KIAA0753: variants seen among roughly 807,000 people sequenced by gnomAD.
The protein encoded by KIAA0753 is KIAA0753, also known as protein moonraker.
KIAA0753 carries 114 observed loss-of-function variants against 116.9 expected under a neutral mutation model. The ratio of observed to expected loss-of-function variants is 0.98; its 90% CI spans 0.84 to 1.14. The LOEUF (loss-of-function observed/expected upper bound fraction) is 1.14, where lower values mean the gene tolerates loss of function less well. Among genes scored for constraint, KIAA0753 ranks in the 50% most tolerant of loss-of-function variants. KIAA0753 has a pLI of 0.00. For missense variants in KIAA0753, 1,156 were observed against 1,172.4 expected, an observed-to-expected ratio of 0.99 and a Z score of 0.20; for synonymous variants, 405 against 413.1, an observed-to-expected ratio of 0.98 and a Z score of 0.24.
chr17:6,596,351 ATGGGG>A lies in KIAA0753; in HGVS notation c.2173-13_2173-9del. On this transcript the variant is annotated splice_polypyrimidine_tract_variant and intron_variant, in intron 14 of 18. Transcript: ENST00000361413. ...AAAATCAACAGCTGCAACCTACAAG[ATGGGG>A]TGGGGTGGGGAGGAGAGGCATGGGG... The A allele has an allele frequency of 1.1e-5, 11 of 1,041,374 alleles. No individual in the cohort carries two copies. The highest frequency in any genetic ancestry group is 4.6e-5 in the East Asian group (1 of 21,658). 64.5% of individuals were successfully genotyped at this position (1,041,374 alleles called of 1,614,324 possible). A position where few individuals can be genotyped will look rare whatever the true frequency, so the allele number is the denominator to read the frequency against.
intron 2 of KIAA0753, among the ~76,000 whole-genome samples, chr17:6,631,181 A>G (rs1302311750): frequency 6.6e-6 from 1 of 152,222 alleles, no homozygotes; most frequent in Non-Finnish European, 1.5e-5. Context: ...ACCAACAGAA[A>G]CCAATGAACC....
At position 6,579,495 on chromosome 17, in the gene KIAA0753, T is replaced by C. The variant is rs1597440933; in HGVS notation, c.*252A>G. 3 of 400,234 alleles carry C rather than the reference T, an allele frequency of 7.5e-6. No individual in the cohort carries two copies. Among genetic ancestry groups the C allele is most frequent in the East Asian group, 7.9e-5 (2 of 25,280 alleles). 24.8% of individuals were successfully genotyped at this position (400,234 alleles called of 1,614,324 possible). A position where few individuals can be genotyped will look rare whatever the true frequency, so the allele number is the denominator to read the frequency against. On this transcript the variant is annotated 3_prime_UTR_variant, in exon 19 of 19. Transcript: ENST00000361413. ...AGGAAAAGTACACATTCTGAAAATA[T>C]TGCCATAATCAAGTTGTGTTGCCTG...
At chr17:6,590,930 A>AATTG (rs1968949445) in intron 16 of KIAA0753, among the ~76,000 whole-genome samples, 1 of 151,562 alleles carries the variant, frequency 6.6e-6, no homozygotes, top group African/African-American at 2.4e-5. Context: ...CCAGCCACCC[A>AATTG]CTCAAGGAGT....
At chr17:6,624,693 A>T in intron 4 of KIAA0753, 62 bp downstream of exon 4, 2 of 1,080,808 alleles carry the variant, frequency 1.9e-6, no homozygotes, top group Non-Finnish European at 2.8e-6. Context: ...AGGAAAACAG[A>T]AACTCTCTAA....
chr17:6,614,971 G>A (rs1970785893), intron 7 of KIAA0753, among the ~76,000 whole-genome samples: 1 of 152,092 alleles, frequency 6.6e-6, no homozygotes, highest in Non-Finnish European at 1.5e-5. Context: ...GCTAATTTTT[G>A]TATTTTTAGT....
chr17:6,624,833 A>C lies in KIAA0753; in HGVS notation c.747T>G (p.Asp249Glu). The change falls in exon 4 of 19, where the codon GAT becomes GAG. Residue 249 changes from aspartate (D) to glutamate (E), a missense_variant. Physicochemically the swap from Asp to Glu is conservative, Grantham distance 45 (BLOSUM62 2). Coordinates refer to ENST00000361413, the MANE Select transcript of KIAA0753 (RefSeq NM_014804.3). ...KDRLEEALDP[D>E]EERRIRIRRQ... ...TCCTGATACGGATTCGACGTTCTTC[A>C]TCTGGATCCAAAGCTTCTTCTAGTC... The C allele has an allele frequency of 6.4e-7, 1 of 1,560,460 alleles. No individual in the cohort carries two copies. Among genetic ancestry groups the C allele is most frequent in the Admixed American group, 1.9e-5 (1 of 52,176 alleles).
In KIAA0753 at chr17:6,620,856, G is replaced by T. The variant is rs748904443; in HGVS notation, c.1247C>A (p.Pro416His). The stretch of plus-strand genomic sequence containing the variant: ...TGGGAATGTGTCCTTTGCTGTGAGG[G>T]GCCTCCTCTCACCCTTTGGTGATGT... ...PSTSPKGERR[P>H]LTAKDTFPQE... Residue 416 changes from proline to histidine, a missense_variant, in exon 7 of 19, where the codon CCC (proline) becomes CAC (histidine). Transcript: ENST00000361413. The T allele has an allele frequency of 6.2e-7, 1 of 1,614,118 alleles. No homozygotes were observed. Among genetic ancestry groups the T allele is most frequent in the Non-Finnish European group, 8.5e-7 (1 of 1,180,004 alleles).
chr17:6,628,458 G>A lies in KIAA0753; in HGVS notation c.377C>T (p.Pro126Leu), dbSNP rs1348170546. 6.2e-7 allele frequency: 1 copy of A among 1,614,174 alleles called. No individual in the cohort carries two copies. Among genetic ancestry groups the A allele is most frequent in the South Asian group, 1.1e-5 (1 of 91,076 alleles). Residue 126 changes from proline (P) to leucine (L), a missense_variant, in exon 3 of 19, where the codon CCT becomes CTT. Transcript: ENST00000361413. ...ATGTCCACACTTCTGAGAGCTTTGA[G>A]GCTGACTTCTGAGATGATGTTCTTT... ...HIKEHHLRSQ[P>L]QSSQKCGHTK...
Position 6,600,455 on chromosome 17 carries a change from A to G in KIAA0753, c.2013T>C (p.Val671=), listed in dbSNP as rs1362970169. ...EEMYRLQQLS[V]SATHLADKVE... ...CCTTGTCTGCTAAGTGGGTGGCAGA[A>G]ACACTATTTAGAAATAAAATTGAAA... The change falls in exon 13 of 19, where the codon GTT becomes GTC. Residue 671 remains valine (V), a synonymous_variant. Transcript: ENST00000361413. The G allele has an allele frequency of 6.2e-7, 1 of 1,610,644 alleles. No individual in the cohort carries two copies. The highest frequency in any genetic ancestry group is 1.1e-5 in the South Asian group (1 of 90,948).
At chr17:6,633,529 C>T (rs1173061974) in intron 2 of KIAA0753, among the ~76,000 whole-genome samples, 5 of 152,126 alleles carry the variant, frequency 3.3e-5, no homozygotes, top group Non-Finnish European at 7.4e-5. Flanking sequence ...AGCAATTTCA[C>T]TGTTGGATAT....
rs746362821 is a variant in KIAA0753 at position 6,628,286 on chromosome 17, T to C, written c.549A>G (p.Ser183=). 1.2e-6 allele frequency: 2 copies of C among 1,614,204 alleles called. No individual in the cohort carries two copies. The highest frequency in any genetic ancestry group is 2.2e-5 in the South Asian group (2 of 91,086). The change falls in exon 3 of 19, where the codon TCA becomes TCG. Residue 183 remains serine (S), a synonymous_variant. Transcript: ENST00000361413. ...GTGGCGAATTTGGCACAGTAAGATC[T>C]GACTGGCCTGGATGAGATGAGTAAA... ...VYLYSSHPGQ[S]DLTVPNSPPT...
intron 14 of KIAA0753, 86 bp downstream of exon 14, chr17:6,599,151 G>A: frequency 1.1e-6 from 1 of 933,552 alleles, no homozygotes; most frequent in South Asian, 1.4e-5. Flanking sequence ...TCTAGTGTTT[G>A]CAAAGTAATC....
intron 12 of KIAA0753, among the ~76,000 whole-genome samples, chr17:6,603,824 T>C (rs970207832): frequency 6.6e-6 from 1 of 152,120 alleles, no homozygotes; most frequent in African/African-American, 2.4e-5. Context: ...CCGAGAAAGA[T>C]GGAAAACTTA....
intron 16 of KIAA0753, among the ~76,000 whole-genome samples, chr17:6,593,208 C>T (rs1969202145): frequency 6.6e-6 from 1 of 152,234 alleles, no homozygotes; most frequent in Admixed American, 6.5e-5. Context: ...ATTTTGGACG[C>T]TTCACAAGGG....
chr17:6,618,121 A>G (rs1396904132), intron 7 of KIAA0753, among the ~76,000 whole-genome samples: 1 of 152,090 alleles, frequency 6.6e-6, no homozygotes, highest in African/African-American at 2.4e-5. Context: ...AAAAAAAGAA[A>G]AAAAAAATCC....
chr17:6,624,887 A>G (rs375519751), intron 3 of KIAA0753, 26 bp from the exon 4 acceptor site: 521 of 1,429,482 alleles, frequency 3.6e-4, no homozygotes, highest in Admixed American at 4.3e-4. Context: ...GTTTTCCCCA[A>G]AAGTGGATTA....
chr17:6,593,761 G>A (rs1351586042), intron 16 of KIAA0753, among the ~76,000 whole-genome samples: 2 of 152,224 alleles, frequency 1.3e-5, no homozygotes, highest in African/African-American at 4.8e-5. Flanking sequence ...GCACACACCT[G>A]TAGTCCCAGC....
In KIAA0753 at chr17:6,635,139, G is replaced by A. The variant is rs750708790; in HGVS notation, c.-36C>T. The A allele has an allele frequency of 2.7e-6, 4 of 1,456,586 alleles. No homozygotes were observed. The South Asian group carries it at 3.4e-5, about 12-fold the overall frequency. The allele number at this position is 1,456,586 out of a possible 1,614,324, so 90.2% of individuals were successfully genotyped here. A position where few individuals can be genotyped will look rare whatever the true frequency, so the allele number is the denominator to read the frequency against. On this transcript the variant is annotated 5_prime_UTR_variant, in exon 2 of 19. Coordinates refer to ENST00000361413, the MANE Select transcript of KIAA0753 (RefSeq NM_014804.3). ...AGTACAGAACAATAGTGACAGCCTT[G>A]TCATCCGGCAACAGTCTTCCCTAAA...
rs1400592854 is a variant in KIAA0753, at chr17:6,639,551, C to G, written c.-69+1086G>C. The G allele has an allele frequency of 6.5e-6, 1 of 152,980 alleles. No homozygotes were observed. Among genetic ancestry groups the G allele is most frequent in the Non-Finnish European group, 1.5e-5 (1 of 68,456 alleles). The allele number at this position is 152,980 out of a possible 1,614,324, so 9.5% of individuals were successfully genotyped here. A position where few individuals can be genotyped will look rare whatever the true frequency, so the allele number is the denominator to read the frequency against. ...GCAGGAGGCACCCTCCCAGCCTGTC[C>G]CTGTCCACAGAAGCCTAAGGCTCTC... On this transcript the variant is annotated intron_variant, in intron 1 of 18. Coordinates refer to ENST00000361413, the MANE Select transcript of KIAA0753 (RefSeq NM_014804.3). The surrounding 1 kb of genome is among the most constrained non-coding windows in gnomAD (Gnocchi z 4.3).
Sources: gnomAD v4.1 joint callset for allele counts (sites outside exome capture counted in the v4.1 genomes callset) on GRCh38, gnomAD v4.1.1 for gene constraint, Gnocchi (gnomAD v3.1) non-coding constraint, MANE v1.5 for transcripts, NCBI Gene and HGNC (gene_info 2026-07-23, HGNC 2026-07-21) for gene names.